SDC3: variants seen among roughly 807,000 people sequenced by gnomAD.
The protein encoded by SDC3 is syndecan-3.
Under a neutral mutation model 24.4 loss-of-function variants are expected in SDC3, and 13 were observed. The observed-to-expected ratio is 0.53, with a 90% CI of 0.35 to 0.85. The LOEUF is 0.85. Ranked by LOEUF, SDC3 falls within the 40% of genes least tolerant of loss-of-function variation. The probability of loss-of-function intolerance (pLI) is 0.01; values close to 1 mark genes in which losing one functional copy is unlikely to be tolerated. For synonymous variants in SDC3, 295 were observed against 260.9 expected (o/e 1.13, Z -1.26); for missense variants, 571 against 584.5 (o/e 0.98, Z 0.24).
At chr1:30,903,051 T>C (rs1638445742) in intron 1 of SDC3, among the ~76,000 whole-genome samples, 1 of 152,128 alleles carries the variant, frequency 6.6e-6, no homozygotes, top group African/African-American at 2.4e-5. Context: ...CCCAGGAAGC[T>C]CAAAGTCTAT....
intron 4 of SDC3, among the ~76,000 whole-genome samples, 155 bp from the exon 5 acceptor site, chr1:30,873,532 G>A (rs1428928620): frequency 6.6e-6 from 1 of 152,014 alleles, no homozygotes; most frequent in Non-Finnish European, 1.5e-5. Flanking sequence ...CCAGCACTGG[G>A]TACCATCATA....
At chr1:30,897,316 T>C (rs927838922) in intron 1 of SDC3, among the ~76,000 whole-genome samples, 4 of 152,222 alleles carry the variant, frequency 2.6e-5, no homozygotes, top group Non-Finnish European at 4.4e-5. Context: ...AGTTGAATTA[T>C]AGACTCTCAG....
chr1:30,896,471 T>A (rs1188094412), intron 1 of SDC3, among the ~76,000 whole-genome samples: 1 of 152,038 alleles, frequency 6.6e-6, no homozygotes, highest in Non-Finnish European at 1.5e-5. Flanking sequence ...AGGAGTGGCT[T>A]ACTGTGCTTG....
At chr1:30,902,239 T>C (rs564267866) in intron 1 of SDC3, among the ~76,000 whole-genome samples, 6 of 152,324 alleles carry the variant, frequency 3.9e-5, no homozygotes, top group Admixed American at 1.3e-4. Flanking sequence ...GGCCAGATCA[T>C]TTGTTGGGGC....
rs1173062294 is a variant in SDC3 at position 30,908,481 on chromosome 1, GC to G, written c.105del (p.Leu36CysfsTer68). Reference sequence around the variant, plus strand: ...GCGCGCCCCGCCAGCAGCAGCAGCAGCAGCGGTGGCAGGAGCAGCCCGCGGG... The same window carrying G: ...GCGCGCCCCGCCAGCAGCAGCAGCAGAGCGGTGGCAGGAGCAGCCCGCGGG... The part of the protein sequence containing the change: ...PGARGLLLPP[L>X]LLLLLAGRAA... On this transcript the variant is annotated frameshift_variant, in exon 1 of 5. Coordinates refer to ENST00000339394, the MANE Select transcript of SDC3 (RefSeq NM_014654.4). LOFTEE classifies it high-confidence loss of function. 1 of 1,022,350 alleles carries G rather than the reference GC, an allele frequency of 9.8e-7. No homozygotes were observed. 63.3% of individuals were successfully genotyped at this position (1,022,350 alleles called of 1,614,324 possible).
chr1:30,898,548 A>T (rs920057668), intron 1 of SDC3, among the ~76,000 whole-genome samples: 8 of 152,138 alleles, frequency 5.3e-5, no homozygotes, highest in Admixed American at 4.6e-4. Flanking sequence ...CTTGGAACTG[A>T]TGATCATGTT....
At chr1:30,893,673 C>T (rs964577694) in intron 1 of SDC3, among the ~76,000 whole-genome samples, 35 of 152,168 alleles carry the variant, frequency 2.3e-4, no homozygotes, top group African/African-American at 7.5e-4. Flanking sequence ...CAGAATCCCC[C>T]CCAGAAATCA....
intron 1 of SDC3, among the ~76,000 whole-genome samples, chr1:30,904,589 C>G (rs995728931): frequency 2.6e-5 from 4 of 152,156 alleles, no homozygotes; most frequent in Non-Finnish European, 5.9e-5. Context: ...CTCACTCCTC[C>G]CCAGAGAGCA....
intron 1 of SDC3, among the ~76,000 whole-genome samples, chr1:30,902,778 C>G (rs1292464461): frequency 6.6e-6 from 1 of 152,208 alleles, no homozygotes; most frequent in African/African-American, 2.4e-5. Flanking sequence ...AAGGCCCGCC[C>G]GATGCAGCCC....
intron 1 of SDC3, among the ~76,000 whole-genome samples, chr1:30,899,562 G>C (rs1194825679): frequency 6.6e-6 from 1 of 152,018 alleles, no homozygotes; most frequent in Non-Finnish European, 1.5e-5. Context: ...AGTAGAGATG[G>C]AGTTTCACCA....
intron 1 of SDC3, among the ~76,000 whole-genome samples, chr1:30,891,182 C>T (rs1375499651): frequency 6.6e-6 from 1 of 152,242 alleles, no homozygotes; most frequent in Admixed American, 6.5e-5. Flanking sequence ...GGGGCAGAGC[C>T]TATCAGGGTC....
At chr1:30,881,282 C>T (rs1639740117) in intron 1 of SDC3, 1 of 155,292 alleles carries the variant, frequency 6.4e-6, no homozygotes, top group South Asian at 1.8e-4. Flanking sequence ...ACACACACTC[C>T]TCTCCTCACC....
intron 1 of SDC3, among the ~76,000 whole-genome samples, chr1:30,894,121 G>T (rs1402562923): frequency 1.3e-5 from 2 of 151,570 alleles, no homozygotes; most frequent in Non-Finnish European, 2.9e-5. Context: ...AGCCCCAGCA[G>T]TGTGTGTGTG....
intron 1 of SDC3, among the ~76,000 whole-genome samples, chr1:30,904,297 G>A (rs1385812799): frequency 5.9e-5 from 9 of 152,000 alleles, no homozygotes; most frequent in East Asian, 5.8e-4. Flanking sequence ...GAAATAAGCC[G>A]ATACATGTAA....
At chr1:30,892,832 C>A (rs1240700705) in intron 1 of SDC3, among the ~76,000 whole-genome samples, 1 of 152,202 alleles carries the variant, frequency 6.6e-6, no homozygotes, top group Non-Finnish European at 1.5e-5. Context: ...AGTATAGTGA[C>A]CTGCCCAAGT....
At chr1:30,908,260 G>C (rs577117582) in intron 1 of SDC3, among the ~76,000 whole-genome samples, 189 bp downstream of exon 1, 148 of 150,312 alleles carry the variant, frequency 9.8e-4, no homozygotes, top group African/African-American at 3.5e-3. Flanking sequence ...ATTCCGGAGG[G>C]GGGGGAGCAG....
chr1:30,891,663 A>G (rs1262163450), intron 1 of SDC3, among the ~76,000 whole-genome samples: 1 of 151,864 alleles, frequency 6.6e-6, no homozygotes, highest in East Asian at 1.9e-4. Flanking sequence ...GGATCACGAG[A>G]TCAGGAGTTC....
rs973322783 is a variant in SDC3, at chr1:30,885,238, T to A, written c.139-6498A>T. ...ACCCATTAACAAATTGCTCAGTAAA[T>A]GCTGGCTATTAATATGAGTATCATC... On this transcript the variant is annotated intron_variant, in intron 1 of 4. Transcript: ENST00000339394. Among the ~76,000 whole-genome samples the A allele has an allele frequency of 2.6e-5, 4 of 152,318 alleles. No individual in the cohort carries two copies. In the East Asian group the frequency reaches 7.7e-4, roughly 29 times the overall value.
chr1:30,891,735 C>G (rs894446799), intron 1 of SDC3, among the ~76,000 whole-genome samples: 20 of 151,906 alleles, frequency 1.3e-4, no homozygotes, highest in African/African-American at 4.8e-4. Context: ...CACCTGTAAT[C>G]CCAGCTACTC....
Sources: gnomAD v4.1 joint callset for allele counts (sites outside exome capture counted in the v4.1 genomes callset) on GRCh38, gnomAD v4.1.1 for gene constraint, MANE v1.5 for transcripts, NCBI Gene and HGNC (gene_info 2026-07-23, HGNC 2026-07-21) for gene names.